The following CLIP1 variants were observed in gnomAD, a reference collection of about 807,000 sequenced individuals.
CLIP1 encodes CAP-Gly domain-containing linker protein 1.
Under a neutral mutation model 161.6 loss-of-function variants are expected in CLIP1, and 66 were observed. That is an observed-to-expected ratio of 0.41 (90% CI 0.33 to 0.50). The LOEUF (loss-of-function observed/expected upper bound fraction) is 0.50, where lower values mean the gene tolerates loss of function less well. Ranked by LOEUF, CLIP1 falls within the 20% of genes least tolerant of loss-of-function variation. CLIP1 has a pLI of 0.27. For missense variants in CLIP1, 1,376 were observed against 1,702.0 expected, an observed-to-expected ratio of 0.81 and a Z score of 3.37; for synonymous variants, 598 against 626.2, an observed-to-expected ratio of 0.96 and a Z score of 0.67.
At chr12:122,306,557 A>C (rs533095469) in intron 20 of CLIP1, among the ~76,000 whole-genome samples, 1 of 152,288 alleles carries the variant, frequency 6.6e-6, no homozygotes, top group South Asian at 2.1e-4. Flanking sequence ...CTGGGTTCTA[A>C]GGTCAGGGCA....
At chr12:122,392,699 T>C (rs1363143874) in intron 1 of CLIP1, among the ~76,000 whole-genome samples, 1 of 152,174 alleles carries the variant, frequency 6.6e-6, no homozygotes, top group Non-Finnish European at 1.5e-5. Context: ...GAAAGAGATC[T>C]TGCAAGGTGA....
chr12:122,402,237 G>A (rs144496977), intron 1 of CLIP1, among the ~76,000 whole-genome samples: 3 of 152,210 alleles, frequency 2.0e-5, no homozygotes, highest in Admixed American at 1.3e-4. Flanking sequence ...GGCTGGGCAC[G>A]GTGGCTCATG....
intron 19 of CLIP1, among the ~76,000 whole-genome samples, chr12:122,312,273 T>C (rs1253179292): frequency 2.0e-5 from 3 of 152,234 alleles, no homozygotes; most frequent in Non-Finnish European, 4.4e-5. Flanking sequence ...ATGCCCTTTT[T>C]TCCCTAAGAT....
chr12:122,397,766 A>G (rs1303584137), intron 1 of CLIP1, among the ~76,000 whole-genome samples: 2 of 151,746 alleles, frequency 1.3e-5, no homozygotes, highest in African/African-American at 4.8e-5. Context: ...CCTGGCCAAC[A>G]TGGTGAAACC....
chr12:122,345,789 C>CTT (rs538550811), intron 10 of CLIP1, among the ~76,000 whole-genome samples: 12 of 143,012 alleles, frequency 8.4e-5, no homozygotes, highest in African/African-American at 2.0e-4. Flanking sequence ...ATTTCTTTTT[C>CTT]TTTTTTTTTT....
At chr12:122,393,188 G>A (rs1955740874) in intron 1 of CLIP1, among the ~76,000 whole-genome samples, 1 of 149,218 alleles carries the variant, frequency 6.7e-6, no homozygotes, top group Non-Finnish European at 1.5e-5. Context: ...TTTTTAGATG[G>A]AGTCTCACTC....
Position 122,350,111 on chromosome 12 carries a change from GC to G in CLIP1, c.1401+999del, listed in dbSNP as rs1952957701. Among the ~76,000 whole-genome samples, 4 of 151,832 alleles carry G rather than the reference GC, an allele frequency of 2.6e-5. No individual in the cohort carries two copies. In the South Asian group the frequency reaches 8.3e-4, roughly 32 times the overall value. On this transcript the variant is annotated intron_variant, in intron 9 of 25. Transcript: ENST00000620786. ...GTAGAGACAGGGTTTCACCATGTTG[GC>G]CAGGCTGGTCTCAAACTCCTAACCT...
intron 20 of CLIP1, among the ~76,000 whole-genome samples, chr12:122,293,464 T>C (rs899274979): frequency 2.0e-5 from 3 of 151,208 alleles, no homozygotes; most frequent in South Asian, 2.1e-4. Flanking sequence ...TTTTGGAAAA[T>C]GGTTTGAGAA....
chr12:122,401,915 T>C (rs1004856527), intron 1 of CLIP1, among the ~76,000 whole-genome samples: 2 of 151,988 alleles, frequency 1.3e-5, no homozygotes, highest in African/African-American at 2.4e-5. Flanking sequence ...GAGAATCACT[T>C]GAACCTGGGA....
chr12:122,356,877 T>C (rs1294644345), intron 5 of CLIP1, among the ~76,000 whole-genome samples: 1 of 152,208 alleles, frequency 6.6e-6, no homozygotes, highest in Non-Finnish European at 1.5e-5. Flanking sequence ...TAACTGCGAG[T>C]GATCCGCCAG....
rs749959853 is a variant in CLIP1, at chr12:122,376,644, A to AT, written c.657+744dup. Among the ~76,000 whole-genome samples, 173 of 150,054 alleles carry AT rather than the reference A, an allele frequency of 1.2e-3. 4 individuals carry two copies. Among genetic ancestry groups the AT allele is most frequent in the Non-Finnish European group, 1.8e-4 (12 of 67,448 alleles). On this transcript the variant is annotated intron_variant, in intron 3 of 25. Transcript: ENST00000620786. ...ACCATGCCCGGCTAATTTTTTTTGT[A>AT]TTTTTTTAGTAGAGATGGGGTTTCA...
At chr12:122,368,493 C>A (rs894082971) in intron 3 of CLIP1, among the ~76,000 whole-genome samples, 51 of 152,294 alleles carry the variant, frequency 3.3e-4, no homozygotes, top group African/African-American at 1.2e-3. Context: ...TTATCCAGTT[C>A]TCGGCAAGCC....
rs143813542 is a variant in CLIP1 at position 122,359,523 on chromosome 12, C to T, written c.1005+1436G>A. Among the ~76,000 whole-genome samples the T allele has an allele frequency of 9.2e-5, 14 of 152,364 alleles. No individual in the cohort carries two copies. The East Asian group carries it at 2.7e-3, about 29-fold the overall frequency. On this transcript the variant is annotated intron_variant, in intron 5 of 25. Coordinates refer to ENST00000620786, the MANE Select transcript of CLIP1 (RefSeq NM_001247997.2). ...AGTTTCTGACCCACATTAAACAAAG[C>T]TCTGTCTGAACACAGGGGTTTGGGG... is the stretch of plus-strand genomic sequence containing the variant.
chr12:122,360,580 GGA>G (rs1325456846), intron 5 of CLIP1, among the ~76,000 whole-genome samples: 2 of 151,868 alleles, frequency 1.3e-5, no homozygotes, highest in Non-Finnish European at 2.9e-5. Flanking sequence ...AGAGAGAGAG[GGA>G]GAGACAGATC....
intron 20 of CLIP1, among the ~76,000 whole-genome samples, chr12:122,290,299 C>T (rs2136308417): frequency 6.6e-6 from 1 of 152,118 alleles, no homozygotes; most frequent in African/African-American, 2.4e-5. Flanking sequence ...CTTTGATGTC[C>T]TAGCCCATTA....
At chr12:122,329,282 G>A (rs991108947) in intron 15 of CLIP1, among the ~76,000 whole-genome samples, 2 of 151,986 alleles carry the variant, frequency 1.3e-5, no homozygotes, top group African/African-American at 4.8e-5. Flanking sequence ...AGCCAAGATC[G>A]CATCACTGCA....
At chr12:122,354,857 T>C in intron 6 of CLIP1, 2 of 582,194 alleles carry the variant, frequency 3.4e-6, no homozygotes, top group Non-Finnish European at 6.1e-6. Context: ...GTAACCAAGC[T>C]GGCCTAACAC....
rs374450211 is a variant in CLIP1 at position 122,394,264 on chromosome 12, C to T, written c.-106-13706G>A. Among the ~76,000 whole-genome samples the T allele has an allele frequency of 2.1e-4, 32 of 151,734 alleles. 5 individuals carry two copies. Among genetic ancestry groups the T allele is most frequent in the Admixed American group, 9.9e-4 (15 of 15,218 alleles). On this transcript the variant is annotated intron_variant, in intron 1 of 25. Transcript: ENST00000620786. ...CAGTACTTTGGGAGACTGAGGCGGGCGGATCACTTGAGGTGAGTTTGAGAC... is the reference window on the plus strand; with the variant it reads ...CAGTACTTTGGGAGACTGAGGCGGGTGGATCACTTGAGGTGAGTTTGAGAC...
intron 8 of CLIP1, 30 bp from the exon 9 acceptor site, chr12:122,351,173 C>A (rs1363656770): frequency 2.9e-6 from 4 of 1,373,976 alleles, no homozygotes; most frequent in African/African-American, 1.5e-5. Flanking sequence ...AAAAATTAAA[C>A]AACAACAAAA....
Sources: allele counts gnomAD v4.1 joint callset (sites outside exome capture counted in the v4.1 genomes callset), GRCh38; gene constraint gnomAD v4.1.1; transcripts MANE v1.5; gene names NCBI Gene and HGNC (gene_info 2026-07-23, HGNC 2026-07-21).